Variants in PLAA observed in about 807,000 individuals in gnomAD.
PLAA encodes phospholipase A2 activating protein.
PLAA carries 48 observed loss-of-function variants against 84.1 expected under a neutral mutation model. That is an observed-to-expected ratio of 0.57 (90% CI 0.45 to 0.73). The LOEUF is 0.73. Ranked by LOEUF, PLAA falls within the 30% of genes least tolerant of loss-of-function variation. The pLI, the probability that PLAA is intolerant of heterozygous loss-of-function variation, is 0.00. For synonymous variants in PLAA, 392 were observed against 336.6 expected (o/e 1.16, Z -1.80); for missense variants, 903 against 954.7 (o/e 0.95, Z 0.71).
intron 1 of PLAA, 73 bp downstream of exon 1, chr9:26,946,824 G>A: frequency 6.8e-7 from 1 of 1,467,762 alleles, no homozygotes; most frequent in Non-Finnish European, 9.1e-7. Flanking sequence ...GGACTGACAG[G>A]GAAGGGTCAC....
chr9:26,908,278 T>C (rs1824300593), intron 12 of PLAA, among the ~76,000 whole-genome samples: 1 of 150,578 alleles, frequency 6.6e-6, no homozygotes, highest in African/African-American at 2.4e-5. Flanking sequence ...GCAATTCTCC[T>C]GCCTCAGCCT....
At chr9:26,922,455 T>A (rs1290575627) in intron 7 of PLAA, among the ~76,000 whole-genome samples, 1 of 151,984 alleles carries the variant, frequency 6.6e-6, no homozygotes, top group East Asian at 1.9e-4. Context: ...AAATAATATC[T>A]AGTATTACAA....
intron 9 of PLAA, among the ~76,000 whole-genome samples, chr9:26,918,692 T>C (rs1196800506): frequency 6.6e-6 from 1 of 152,142 alleles, no homozygotes; most frequent in Non-Finnish European, 1.5e-5. Context: ...CAAAATGTTA[T>C]TTAGAGGAGG....
At position 26,920,236 on chromosome 9, in the gene PLAA, A is replaced by G. The variant is rs773434641; in HGVS notation, c.1188T>C (p.Tyr396=). 6.2e-7 allele frequency: 1 copy of G among 1,613,526 alleles called. No homozygotes were observed. The highest frequency in any genetic ancestry group is 1.3e-5 in the African/African-American group (1 of 74,910). ...GTAGAAGTCGACATACTTTCCCTTC[A>G]TATAAAACTTTTCCAGATGTTTGCT... ...ANQQTSGKVL[Y]EGKEFDYVFS... The change falls in exon 8 of 14, where the codon TAT becomes TAC. Residue 396 remains tyrosine, a synonymous_variant. Transcript: ENST00000397292.
At chr9:26,930,003 A>G (rs1563915864) in intron 2 of PLAA, among the ~76,000 whole-genome samples, 2 of 110,932 alleles carry the variant, frequency 1.8e-5, no homozygotes, top group Admixed American at 8.0e-5. Flanking sequence ...AGTCACACAC[A>G]TGTTTTTGGT....
At chr9:26,911,197 G>A (rs934763712) in intron 11 of PLAA, among the ~76,000 whole-genome samples, 1 of 152,082 alleles carries the variant, frequency 6.6e-6, no homozygotes, top group Non-Finnish European at 1.5e-5. Context: ...CTGTTGCCCA[G>A]GCTGGAGTAC....
At chr9:26,918,762 T>G (rs550796338) in intron 9 of PLAA, among the ~76,000 whole-genome samples, 1 of 152,284 alleles carries the variant, frequency 6.6e-6, no homozygotes, top group South Asian at 2.1e-4. Context: ...AGGATTAGAT[T>G]CCACTTCCTA....
intron 1 of PLAA, among the ~76,000 whole-genome samples, chr9:26,936,465 A>G (rs1825362802): frequency 6.6e-6 from 1 of 152,204 alleles, no homozygotes; most frequent in Non-Finnish European, 1.5e-5. Flanking sequence ...CACTGGCAGA[A>G]TCTGTCTGAT....
chr9:26,946,291 A>C (rs1825708142), intron 1 of PLAA, among the ~76,000 whole-genome samples: 1 of 151,492 alleles, frequency 6.6e-6, no homozygotes, highest in Non-Finnish European at 1.5e-5. Context: ...TGGTTCGTGA[A>C]CCCTTCTGAT....
chr9:26,946,698 C>G (rs371070835), intron 1 of PLAA, among the ~76,000 whole-genome samples, 199 bp downstream of exon 1: 232 of 152,326 alleles, frequency 1.5e-3, no homozygotes, highest in African/African-American at 5.3e-3. Context: ...TCTTTGGTCC[C>G]CCAACCCTGT....
Position 26,942,703 on chromosome 9 carries a change from A to G in PLAA, c.149+4194T>C, listed in dbSNP as rs191597591. On this transcript the variant is annotated intron_variant, in intron 1 of 13. Coordinates refer to ENST00000397292, the MANE Select transcript of PLAA (RefSeq NM_001031689.3). ...CCAGACCATCCTGGCTAACACTGTG[A>G]AACCCCGTCTCTACTAAAAATACAA... is the stretch of plus-strand genomic sequence containing the variant. Among the ~76,000 whole-genome samples the G allele has an allele frequency of 1.3e-4, 20 of 152,218 alleles. No individual in the cohort carries two copies. In the East Asian group the frequency reaches 3.9e-3, roughly 30 times the overall value.
intron 1 of PLAA, among the ~76,000 whole-genome samples, chr9:26,945,904 C>CTAAT (rs759608047): frequency 2.0e-5 from 3 of 152,308 alleles, no homozygotes; most frequent in South Asian, 2.1e-4. Flanking sequence ...ATCTCTCCAC[C>CTAAT]TAATTAACTG....
At chr9:26,911,906 T>C (rs941438538) in intron 11 of PLAA, among the ~76,000 whole-genome samples, 8 of 152,180 alleles carry the variant, frequency 5.3e-5, no homozygotes, top group South Asian at 2.1e-4. Flanking sequence ...CTTAGTGAGA[T>C]TGGTGTACAA....
Position 26,907,903 on chromosome 9 carries a change from T to C in PLAA, c.1753A>G (p.Asn585Asp). 1 of 1,612,370 alleles carries C rather than the reference T, an allele frequency of 6.2e-7. No homozygotes were observed. The highest frequency in any genetic ancestry group is 8.5e-7 in the Non-Finnish European group (1 of 1,179,388). The part of the protein sequence containing the change: ...LLEKILSLIC[N>D]SSSEKPTVQQ... The stretch of plus-strand genomic sequence containing the variant: ...ACTGTGGGTTTTTCTGAAGAACTAT[T>C]ACATATTAGAGACAGTATCTTCTCA... The change falls in exon 13 of 14, where the codon AAT becomes GAT. Residue 585 changes from asparagine (N) to aspartate (D), a missense_variant. Transcript: ENST00000397292.
At chr9:26,932,336 G>C (rs1825214579) in intron 2 of PLAA, among the ~76,000 whole-genome samples, 5 of 152,182 alleles carry the variant, frequency 3.3e-5, no homozygotes. Flanking sequence ...ACCTGTATTT[G>C]TATACCTAAC....
rs140645271 is a variant in PLAA at position 26,915,882 on chromosome 9, C to G, written c.1486+1215G>C. On this transcript the variant is annotated intron_variant, in intron 10 of 13. Coordinates refer to ENST00000397292, the MANE Select transcript of PLAA (RefSeq NM_001031689.3). ...GCCGCCAAAGTGATTTGGATTCTCA[C>G]TTGGTATTAAGTTTCAGGGCATCAC... 2.6e-5 allele frequency: 26 copies of G among 985,400 alleles called. No individual in the cohort carries two copies. In the East Asian group the frequency reaches 2.2e-3, roughly 82 times the overall value. 61.0% of individuals were successfully genotyped at this position (985,400 alleles called of 1,614,324 possible).
chr9:26,905,711 T>G lies in PLAA; in HGVS notation c.2188A>C (p.Ser730Arg). 1 of 1,614,206 alleles carries G rather than the reference T, an allele frequency of 6.2e-7. No homozygotes were observed. The highest frequency in any genetic ancestry group is 8.5e-7 in the Non-Finnish European group (1 of 1,179,994). Residue 730 changes from serine to arginine, a missense_variant, in exon 14 of 14, where the codon AGC becomes CGC. By Grantham distance (110) the Ser-to-Arg change is moderately radical. Coordinates refer to ENST00000397292, the MANE Select transcript of PLAA (RefSeq NM_001031689.3). ...TCTTGTACTACTTCCAAGATTGTGC[T>G]AATTAGTGACAAACATTGGGCTTTC... ...EGKAQCLSLI[S>R]TILEVVQDLE...
intron 2 of PLAA, among the ~76,000 whole-genome samples, chr9:26,931,840 T>C (rs1040337606): frequency 2.0e-5 from 3 of 152,140 alleles, no homozygotes; most frequent in Admixed American, 6.6e-5. Flanking sequence ...TTAGGAGTTA[T>C]AGACCAGCCT....
chr9:26,928,273 T>C (rs754633940), intron 3 of PLAA, 35 bp downstream of exon 3: 13 of 1,612,804 alleles, frequency 8.1e-6, no homozygotes, highest in Middle Eastern at 1.6e-4. Context: ...TTCAACTTAA[T>C]TATTCTTTAG....
Sources: allele counts gnomAD v4.1 joint callset (sites outside exome capture counted in the v4.1 genomes callset), GRCh38; gene constraint gnomAD v4.1.1; transcripts MANE v1.5; gene names NCBI Gene and HGNC (gene_info 2026-07-23, HGNC 2026-07-21).